FOCAD: variants seen among roughly 807,000 people sequenced by gnomAD.
The protein encoded by FOCAD is focadhesin.
FOCAD carries 198 observed loss-of-function variants against 225.6 expected under a neutral mutation model. The ratio of observed to expected loss-of-function variants is 0.88; its 90% CI spans 0.78 to 0.99. The LOEUF is 0.99. Among genes scored for constraint, FOCAD ranks in the 50% least tolerant of loss-of-function variants. The pLI is 0.00. For missense variants in FOCAD, 2,713 were observed against 2,123.6 expected, an observed-to-expected ratio of 1.28 and a Z score of -5.46; for synonymous variants, 897 against 755.0, an observed-to-expected ratio of 1.19 and a Z score of -3.08.
At position 20,882,025 on chromosome 9, in the gene FOCAD, C is replaced by T; in HGVS notation, c.2472C>T (p.Asn824=). The change falls in exon 20 of 44, where the codon AAC becomes AAT. Residue 824 remains asparagine, a synonymous_variant. Transcript: ENST00000338382. ...TTATATTGAAAATGTATGAAACAAA[C>T]AAGCAACCAGGACTGAAACCTGGCC... is the stretch of plus-strand genomic sequence containing the variant. ...PNFILKMYET[N]KQPGLKPGLA... The T allele has an allele frequency of 6.2e-7, 1 of 1,613,754 alleles. No individual in the cohort carries two copies. Among genetic ancestry groups the T allele is most frequent in the Non-Finnish European group, 8.5e-7 (1 of 1,179,820 alleles).
Position 20,661,916 on chromosome 9 carries a change from A to G in FOCAD, c.-78+3090A>G, listed in dbSNP as rs149902360. Among the ~76,000 whole-genome samples, 376 of 152,334 alleles carry G rather than the reference A, an allele frequency of 2.5e-3. 4 individuals carry two copies. Among genetic ancestry groups the G allele is most frequent in the Admixed American group, 0.022 (340 of 15,296 alleles). ...CCATCAAAAAATGCTGCTGTAAAAG[A>G]AAGAATGAGGAAATTCTTTATATAT... On this transcript the variant is annotated intron_variant, in intron 2 of 45. Coordinates refer to the FOCAD transcript ENST00000380249.
At chr9:20,874,977 T>C (rs769423950) in intron 19 of FOCAD, 170 bp downstream of exon 19, 13 of 807,102 alleles carry the variant, frequency 1.6e-5, no homozygotes, top group East Asian at 1.6e-4. Context: ...GGTAGTATGG[T>C]GTTTAAATCA....
At chr9:20,707,043 C>A in intron 1 of FOCAD, among the ~76,000 whole-genome samples, 1 of 152,158 alleles carries the variant, frequency 6.6e-6, no homozygotes, top group Admixed American at 6.5e-5. Flanking sequence ...CATATTCTTA[C>A]TGTACCATAT....
At chr9:20,757,121 G>T (rs1415794875) in intron 5 of FOCAD, among the ~76,000 whole-genome samples, 3 of 152,086 alleles carry the variant, frequency 2.0e-5, no homozygotes, top group East Asian at 3.8e-4. Context: ...TAGAGACAGG[G>T]TTTCTCCATG....
chr9:20,751,248 G>A (rs1412857399), intron 5 of FOCAD, among the ~76,000 whole-genome samples: 3 of 148,772 alleles, frequency 2.0e-5, no homozygotes, highest in African/African-American at 5.0e-5. Context: ...CCATGCTGGT[G>A]CGCTGCACCC....
Position 20,866,917 on chromosome 9 carries a change from T to TTTAACAAA in FOCAD, c.2107-12_2107-11insTTAACAAA. 1.3e-6 allele frequency: 1 copy of TTTAACAAA among 764,970 alleles called. No individual in the cohort carries two copies. The highest frequency in any genetic ancestry group is 2.0e-6 in the Non-Finnish European group (1 of 498,466). 47.4% of individuals were successfully genotyped at this position (764,970 alleles called of 1,614,324 possible). A position where few individuals can be genotyped will look rare whatever the true frequency, so the allele number is the denominator to read the frequency against. On this transcript the variant is annotated splice_polypyrimidine_tract_variant and intron_variant, in intron 17 of 43. Transcript: ENST00000338382. ...TTTTTTTTTTTTTTTTTTTTTTTTT[T>TTTAACAAA]ACCCTATCTAGGACCCAATTGTAGC... is the stretch of plus-strand genomic sequence containing the variant.
intron 11 of FOCAD, among the ~76,000 whole-genome samples, chr9:20,813,042 C>T (rs949431109): frequency 6.6e-6 from 1 of 152,128 alleles, no homozygotes; most frequent in African/African-American, 2.4e-5. Context: ...CCCCAACTGT[C>T]TGGCAACCAC....
intron 42 of FOCAD, 27 bp downstream of exon 42, chr9:20,990,401 AG>A (rs1564253342): frequency 6.2e-7 from 1 of 1,609,092 alleles, no homozygotes; most frequent in African/African-American, 1.3e-5. Context: ...CCTGCTTAGC[AG>A]GGCAGGCAGC....
chr9:20,758,888 C>G (rs1829310209), intron 6 of FOCAD, among the ~76,000 whole-genome samples: 1 of 152,180 alleles, frequency 6.6e-6, no homozygotes, highest in Non-Finnish European at 1.5e-5. Flanking sequence ...AGCCCAAAAT[C>G]TCCTTAAGCT....
In FOCAD at chr9:20,907,149, G is replaced by A; in HGVS notation, c.2626-1G>A. 4.3e-6 allele frequency: 7 copies of A among 1,611,806 alleles called. No homozygotes were observed. The highest frequency in any genetic ancestry group is 1.1e-5 in the South Asian group (1 of 90,986). ...TATGTTGTGGTACATTTTTCCCATA[G>A]GTTCATATCCAGCTTTCAGAGTGGC... On this transcript the variant is annotated splice_acceptor_variant, in intron 21 of 43. Coordinates refer to ENST00000338382, the MANE Select transcript of FOCAD (RefSeq NM_001375567.1). LOFTEE classifies it high-confidence loss of function.
At chr9:20,967,185 G>T (rs987623202) in intron 35 of FOCAD, among the ~76,000 whole-genome samples, 2 of 151,966 alleles carry the variant, frequency 1.3e-5, no homozygotes, top group South Asian at 4.1e-4. Flanking sequence ...ATTTAGGGCT[G>T]CTTTAATCTC....
At chr9:20,803,424 G>A (rs757630081) in intron 11 of FOCAD, among the ~76,000 whole-genome samples, 2 of 152,136 alleles carry the variant, frequency 1.3e-5, no homozygotes, top group Non-Finnish European at 2.9e-5. Context: ...TGAAAAGGGA[G>A]TAATGGTCTG....
chr9:20,723,126 A>G (rs2131561528), intron 4 of FOCAD, among the ~76,000 whole-genome samples: 1 of 152,354 alleles, frequency 6.6e-6, no homozygotes, highest in East Asian at 1.9e-4. Flanking sequence ...CTTTGCAGAT[A>G]GTGAATTATC....
intron 5 of FOCAD, among the ~76,000 whole-genome samples, chr9:20,743,775 AT>A (rs1827816757): frequency 6.6e-6 from 1 of 152,182 alleles, no homozygotes; most frequent in Non-Finnish European, 1.5e-5. Flanking sequence ...GAAATATGTC[AT>A]TTGTGGATTA....
At chr9:20,881,455 G>T (rs967188465) in intron 19 of FOCAD, among the ~76,000 whole-genome samples, 8 of 152,194 alleles carry the variant, frequency 5.3e-5, no homozygotes, top group Admixed American at 2.6e-4. Context: ...CAAAATTCTG[G>T]CCTCTGGGCA....
In FOCAD at chr9:20,848,651, A is replaced by T. The variant is rs1352314673; in HGVS notation, c.1921-13927A>T. ...GTAAGGGGAAGAAAAGAAGGTTAAAAATCACTATAAACCACAGGGTTAACC... is the reference window on the plus strand; with the variant it reads ...GTAAGGGGAAGAAAAGAAGGTTAAATATCACTATAAACCACAGGGTTAACC... On this transcript the variant is annotated intron_variant, in intron 15 of 43. Transcript: ENST00000338382. Among the ~76,000 whole-genome samples the T allele has an allele frequency of 3.3e-5, 5 of 151,972 alleles. No individual in the cohort carries two copies. The East Asian group carries it at 9.6e-4, about 29-fold the overall frequency.
intron 1 of FOCAD, among the ~76,000 whole-genome samples, chr9:20,696,276 A>G (rs1261970545): frequency 6.6e-6 from 1 of 152,188 alleles, no homozygotes; most frequent in African/African-American, 2.4e-5. Context: ...ATACTTAATG[A>G]TAATGTATTG....
At chr9:20,921,945 A>T (rs1055911874) in intron 24 of FOCAD, among the ~76,000 whole-genome samples, 3 of 152,184 alleles carry the variant, frequency 2.0e-5, no homozygotes, top group African/African-American at 7.2e-5. Flanking sequence ...AGAGTAATAA[A>T]ACTGGGACTC....
intron 15 of FOCAD, among the ~76,000 whole-genome samples, chr9:20,829,004 A>G (rs1271318932): frequency 1.3e-5 from 2 of 152,108 alleles, no homozygotes; most frequent in Admixed American, 6.6e-5. Flanking sequence ...TCCATGGTGT[A>G]TATGTACCAC....
Sources: allele counts gnomAD v4.1 joint callset (sites outside exome capture counted in the v4.1 genomes callset), GRCh38; gene constraint gnomAD v4.1.1; transcripts MANE v1.5; gene names NCBI Gene and HGNC (gene_info 2026-07-23, HGNC 2026-07-21).